The following TACC2 variants were observed in gnomAD, a reference collection of about 807,000 sequenced individuals.
The protein encoded by TACC2 is transforming acidic coiled-coil-containing protein 2.
In TACC2, 137 loss-of-function variants were observed where a neutral mutation model predicts 227.3. The ratio of observed to expected loss-of-function variants is 0.60; its 90% CI spans 0.52 to 0.69. TACC2 has a LOEUF of 0.69. Ranked by LOEUF, TACC2 falls within the 30% of genes least tolerant of loss-of-function variation. The pLI is 0.00. For missense variants in TACC2, 3,470 were observed against 3,694.4 expected (o/e 0.94, Z 1.57); for synonymous variants, 1,523 against 1,487.5 (o/e 1.02, Z -0.55).
At chr10:122,057,557 C>G (rs1490479028) in intron 3 of TACC2, among the ~76,000 whole-genome samples, 2 of 152,178 alleles carry the variant, frequency 1.3e-5, no homozygotes, top group African/African-American at 4.8e-5. Context: ...AATCCCAGCA[C>G]TTTGGGAGGC....
chr10:122,164,733 G>T (rs1186564269), intron 7 of TACC2, among the ~76,000 whole-genome samples: 1 of 152,148 alleles, frequency 6.6e-6, no homozygotes, highest in Non-Finnish European at 1.5e-5. Flanking sequence ...GGGTCTGCCG[G>T]CCGGGTCGCA....
At chr10:122,090,172 C>G (rs1175117803) in intron 5 of TACC2, among the ~76,000 whole-genome samples, 1 of 152,170 alleles carries the variant, frequency 6.6e-6, no homozygotes, top group African/African-American at 2.4e-5. Flanking sequence ...GTTTTAATCA[C>G]TTTAAATTGT....
chr10:122,236,398 C>T (rs1428466391), intron 16 of TACC2, among the ~76,000 whole-genome samples: 8 of 152,182 alleles, frequency 5.3e-5, no homozygotes, highest in Non-Finnish European at 7.3e-5. Flanking sequence ...GGTAGAGGTT[C>T]GCTGGGCAGC....
At chr10:122,022,954 A>G (rs2461219) in intron 2 of TACC2, 98,060 of 152,154 alleles carry the variant, frequency 0.64, 31,998 homozygotes, top group African/African-American at 0.74. Context: ...AAACTGGAAA[A>G]TTTGGATTAA....
intron 1 of TACC2, among the ~76,000 whole-genome samples, chr10:122,014,235 T>TTTTC (rs1956282444): frequency 6.6e-6 from 1 of 151,730 alleles, no homozygotes; most frequent in Admixed American, 6.6e-5. Context: ...TAATTTTTTT[T>TTTTC]TTTTTGAGTT....
In TACC2 at chr10:122,211,142, C is replaced by T. The variant is rs1260219289; in HGVS notation, c.6717C>T (p.Ala2239=). The T allele has an allele frequency of 6.2e-7, 1 of 1,609,548 alleles. No homozygotes were observed. Among genetic ancestry groups the T allele is most frequent in the Admixed American group, 1.7e-5 (1 of 59,244 alleles). ...GGAAAACGCTGCCTCTTACCACGGCCCCGGAGGCAGGGGAGGTAACCCCAT... is the reference window on the plus strand; with the variant it reads ...GGAAAACGCTGCCTCTTACCACGGCTCCGGAGGCAGGGGAGGTAACCCCAT... ...VGRKTLPLTT[A]PEAGEVTPSD... is the part of the protein sequence containing the mutation. The change falls in exon 9 of 23, where the codon GCC becomes GCT. Residue 2239 remains alanine (A), a synonymous_variant. Transcript: ENST00000369005.
At chr10:122,074,638 G>A (rs1490075251) in intron 3 of TACC2, among the ~76,000 whole-genome samples, 2 of 152,048 alleles carry the variant, frequency 1.3e-5, no homozygotes, top group Admixed American at 6.6e-5. Context: ...TCAAATACAG[G>A]GATTAGAGTG....
chr10:122,037,021 C>T (rs76141399), intron 2 of TACC2, among the ~76,000 whole-genome samples: 2,451 of 152,058 alleles, frequency 0.016, 23 homozygotes, highest in Middle Eastern at 0.024. Context: ...TCATTGTGGT[C>T]GGGGCTATTT....
In TACC2 at chr10:122,249,540, G is replaced by A. The variant is rs369228604; in HGVS notation, c.8661-4G>A. On this transcript the variant is annotated splice_region_variant and splice_polypyrimidine_tract_variant and intron_variant, in intron 21 of 22. Transcript: ENST00000369005. Reference sequence around the variant, plus strand: ...TGATAATTCTGAGCTCCCTGTCTCCGCAGGGCCAATGCTGAGATTGCTCAG... The same window carrying A: ...TGATAATTCTGAGCTCCCTGTCTCCACAGGGCCAATGCTGAGATTGCTCAG... The A allele has an allele frequency of 3.7e-5, 59 of 1,613,516 alleles. No homozygotes were observed. The highest frequency in any genetic ancestry group is 1.6e-4 in the Middle Eastern group (1 of 6,074).
intron 7 of TACC2, among the ~76,000 whole-genome samples, chr10:122,166,613 A>C (rs1288792668): frequency 1.3e-5 from 2 of 152,128 alleles, no homozygotes; most frequent in African/African-American, 2.4e-5. Flanking sequence ...AGAGCCTCAG[A>C]CCTCACCCCA....
At chr10:122,220,879 G>T (rs1231462979) in intron 11 of TACC2, among the ~76,000 whole-genome samples, 1 of 152,140 alleles carries the variant, frequency 6.6e-6, no homozygotes, top group Non-Finnish European at 1.5e-5. Context: ...GGATACAGAG[G>T]CTTGGAGCTG....
At position 122,229,494 on chromosome 10, in the gene TACC2, G is replaced by A. The variant is rs772446174; in HGVS notation, c.8037+8G>A. On this transcript the variant is annotated splice_region_variant and intron_variant, in intron 15 of 22. Coordinates refer to ENST00000369005, the MANE Select transcript of TACC2 (RefSeq NM_206862.4). ...TTCGCTCAGAAACTCCAGGTTTGTA[G>A]CCCACGTGTGACCTTTTGGGAGTTT... is the stretch of plus-strand genomic sequence containing the variant. The A allele has an allele frequency of 6.8e-6, 11 of 1,613,894 alleles. No homozygotes were observed. The South Asian group carries it at 7.7e-5, about 11-fold the overall frequency.
intron 3 of TACC2, among the ~76,000 whole-genome samples, chr10:122,069,564 A>G (rs757982856): frequency 2.6e-5 from 4 of 152,042 alleles, no homozygotes; most frequent in Non-Finnish European, 4.4e-5. Context: ...TTCTATCTCC[A>G]GGATTCCTGC....
At chr10:122,181,887 T>A (rs191342367) in intron 7 of TACC2, among the ~76,000 whole-genome samples, 1 of 152,210 alleles carries the variant, frequency 6.6e-6, no homozygotes, top group African/African-American at 2.4e-5. Context: ...TTCTTTTTTT[T>A]ATCATGTAAA....
chr10:122,207,411 C>T (rs2095152970), intron 8 of TACC2, among the ~76,000 whole-genome samples: 1 of 152,130 alleles, frequency 6.6e-6, no homozygotes, highest in South Asian at 2.1e-4. Context: ...GTAACCAACA[C>T]AATAAGACAG....
chr10:122,197,050 C>T (rs2094597054), intron 8 of TACC2, among the ~76,000 whole-genome samples: 2 of 151,920 alleles, frequency 1.3e-5, no homozygotes, highest in Non-Finnish European at 2.9e-5. Context: ...CACCTGAGGT[C>T]GGGAGTTCGA....
At chr10:122,248,955 G>T in intron 20 of TACC2, 95 bp from the exon 21 acceptor site, 1 of 1,485,646 alleles carries the variant, frequency 6.7e-7, no homozygotes, top group Non-Finnish European at 9.3e-7. Context: ...GGCCGCCTGG[G>T]GTTACACCTG....
intron 2 of TACC2, among the ~76,000 whole-genome samples, chr10:122,030,817 G>A (rs898020772): frequency 6.6e-6 from 1 of 152,062 alleles, no homozygotes; most frequent in Non-Finnish European, 1.5e-5. Context: ...GGGTGTGTCT[G>A]GCTGTGGGAC....
rs747945270 is a variant in TACC2 at position 122,083,306 on chromosome 10, C to A, written c.806C>A (p.Ser269Tyr). 51 of 1,613,838 alleles carry A rather than the reference C, an allele frequency of 3.2e-5. No individual in the cohort carries two copies. Among genetic ancestry groups the A allele is most frequent in the Admixed American group, 2.3e-4 (14 of 59,998 alleles). ...GTESSAVLEKSPLKPMAPIPQ... is the reference protein window; with the variant it reads ...GTESSAVLEKYPLKPMAPIPQ... ...GAAAGCTCAGCGGTCTTGGAGAAGT[C>A]CCCCCTAAAACCCATGGCCCCGATC... The change falls in exon 4 of 23, where the codon TCC (serine) becomes TAC (tyrosine). Residue 269 changes from serine (S) to tyrosine (Y), a missense_variant. Coordinates refer to ENST00000369005, the MANE Select transcript of TACC2 (RefSeq NM_206862.4).
Sources: allele counts gnomAD v4.1 joint callset (sites outside exome capture counted in the v4.1 genomes callset), GRCh38; gene constraint gnomAD v4.1.1; transcripts MANE v1.5; gene names NCBI Gene and HGNC (gene_info 2026-07-23, HGNC 2026-07-21).